The following SKOR2 variants were observed in gnomAD, a reference collection of about 807,000 sequenced individuals.
The protein encoded by SKOR2 is LBX1 corepressor 1-like protein.
SKOR2 carries 47 observed loss-of-function variants against 69.1 expected under a neutral mutation model. The observed-to-expected ratio is 0.68, with a 90% CI of 0.54 to 0.87. SKOR2 has a LOEUF of 0.87. Ranked by LOEUF, SKOR2 falls within the 40% of genes least tolerant of loss-of-function variation. The pLI is 0.00. For synonymous variants in SKOR2, 717 were observed against 672.6 expected (o/e 1.07, Z -1.02); for missense variants, 1,404 against 1,472.2 (o/e 0.95, Z 0.76).
At position 47,246,625 on chromosome 18, in the gene SKOR2, G is replaced by T. The variant is rs2064274693; in HGVS notation, c.2559C>A (p.Ser853Arg). Reference protein sequence around the residue: ...PQKASGGGSSSPGSPVHHPSL... With the variant: ...PQKASGGGSSRPGSPVHHPSL... ...ATGGATGGTGAACTGGGCTGCCCGG[G>T]CTGCTGCTGCCGCCGCCACTCGCCT... The change falls in exon 2 of 9, where the codon AGC (serine) becomes AGA (arginine). Residue 853 changes from serine (S) to arginine (R), a missense_variant. Transcript: ENST00000425639. 1 of 1,521,946 alleles carries T rather than the reference G, an allele frequency of 6.6e-7. No homozygotes were observed. Among genetic ancestry groups the T allele is most frequent in the Non-Finnish European group, 8.8e-7 (1 of 1,141,388 alleles). The allele number at this position is 1,521,946 out of a possible 1,614,324, so 94.3% of individuals were successfully genotyped here. A position where few individuals can be genotyped will look rare whatever the true frequency, so the allele number is the denominator to read the frequency against.
chr18:47,244,375 T>C (rs10502880), intron 4 of SKOR2, among the ~76,000 whole-genome samples: 56,531 of 152,112 alleles, frequency 0.37, 11,124 homozygotes, highest in Middle Eastern at 0.47. Context: ...CTTAAGACAC[T>C]GCAATAGACA....
At chr18:47,237,915 G>GTTTC (rs2064231759) in intron 4 of SKOR2, among the ~76,000 whole-genome samples, 1 of 152,016 alleles carries the variant, frequency 6.6e-6, no homozygotes, top group Non-Finnish European at 1.5e-5. Context: ...TGGGCTCAGG[G>GTTTC]AATCCTCCTG....
chr18:47,229,354 T>C (rs1163764618), intron 6 of SKOR2, among the ~76,000 whole-genome samples: 1 of 152,032 alleles, frequency 6.6e-6, no homozygotes, highest in African/African-American at 2.4e-5. Context: ...TATATATAAT[T>C]AGAAAAATAA....
chr18:47,238,240 G>A (rs374675626), intron 4 of SKOR2, among the ~76,000 whole-genome samples: 42 of 151,374 alleles, frequency 2.8e-4, no homozygotes, highest in African/African-American at 9.4e-4. Context: ...GAGGAAGTCT[G>A]CAGAAAAAAA....
intron 4 of SKOR2, among the ~76,000 whole-genome samples, chr18:47,237,520 T>A (rs893869425): frequency 6.6e-6 from 1 of 152,226 alleles, no homozygotes; most frequent in East Asian, 1.9e-4. Flanking sequence ...AGCTGAACTC[T>A]GAATTCAATA....
At chr18:47,217,936 C>T (rs2144483383) in intron 7 of SKOR2, among the ~76,000 whole-genome samples, 1 of 152,246 alleles carries the variant, frequency 6.6e-6, no homozygotes, top group East Asian at 1.9e-4. Flanking sequence ...GAATTAACAA[C>T]ATTTGTCTAG....
At chr18:47,231,259 C>G in intron 4 of SKOR2, 1 of 1,218,064 alleles carries the variant, frequency 8.2e-7, no homozygotes. Context: ...GTTATTCCCT[C>G]TCCAACCCCC....
intron 6 of SKOR2, among the ~76,000 whole-genome samples, chr18:47,228,353 T>C (rs2064186012): frequency 6.6e-6 from 1 of 152,192 alleles, no homozygotes; most frequent in Non-Finnish European, 1.5e-5. Flanking sequence ...AGAGGATACA[T>C]ATTAGTGCAC....
chr18:47,218,520 T>C (rs1402252088), intron 7 of SKOR2, among the ~76,000 whole-genome samples: 1 of 144,070 alleles, frequency 6.9e-6, no homozygotes, highest in Non-Finnish European at 1.5e-5. Flanking sequence ...AGCCCAGGAG[T>C]TGGAGGCTGC....
intron 4 of SKOR2, among the ~76,000 whole-genome samples, chr18:47,244,207 G>C (rs900746561): frequency 7.9e-5 from 12 of 151,974 alleles, no homozygotes; most frequent in Non-Finnish European, 1.8e-4. Context: ...TTCCTAGCTT[G>C]CTCTCTCTGT....
chr18:47,247,808 C>T lies in SKOR2; in HGVS notation c.1376G>A (p.Arg459His). 1 of 1,395,950 alleles carries T rather than the reference C, an allele frequency of 7.2e-7. No individual in the cohort carries two copies. Among genetic ancestry groups the T allele is most frequent in the Non-Finnish European group, 9.2e-7 (1 of 1,082,560 alleles). The allele number at this position is 1,395,950 out of a possible 1,614,324, so 86.5% of individuals were successfully genotyped here. ...GAAGGGCGGATAGAAGGCGTCCTTG[C>T]GGCCCGCGGGCCAGAAGAGGCCGGA... is the stretch of plus-strand genomic sequence containing the variant. ...GLSGLFWPAGRKDAFYPPFCM... is the reference protein window; with the variant it reads ...GLSGLFWPAGHKDAFYPPFCM... The change falls in exon 2 of 9, where the codon CGC becomes CAC. Residue 459 changes from arginine to histidine, a missense_variant. This residue lies in a region of SKOR2 where 1,266 missense variants were observed against 1,309.9 expected (regional missense o/e 0.97). Coordinates refer to ENST00000425639, the MANE Select transcript of SKOR2 (RefSeq NM_001278063.4). This position sits in a 1 kb window ranked among gnomAD's most constrained non-coding sequence, Gnocchi z 6.6.
At position 47,246,660 on chromosome 18, in the gene SKOR2, C is replaced by A; in HGVS notation, c.2524G>T (p.Ala842Ser). Residue 842 changes from alanine to serine, a missense_variant, in exon 2 of 9, where the codon GCC becomes TCC. Around this residue, in one of 3 missense-constraint regions of SKOR2, gnomAD observed 1,266 missense variants for 1,309.9 expected, o/e 0.97. Coordinates refer to ENST00000425639, the MANE Select transcript of SKOR2 (RefSeq NM_001278063.4). ...CCGCCGCCACTCGCCTTCTGGGGGGCCAGGGGCGGCGGCGGGGGCGGGGGC... is the reference window on the plus strand; with the variant it reads ...CCGCCGCCACTCGCCTTCTGGGGGGACAGGGGCGGCGGCGGGGGCGGGGGC... The part of the protein sequence containing the change: ...DLPPPPPPPL[A>S]PQKASGGGSS... 1 of 1,497,870 alleles carries A rather than the reference C, an allele frequency of 6.7e-7. No individual in the cohort carries two copies. The highest frequency in any genetic ancestry group is 1.3e-5 in the South Asian group (1 of 79,022). The allele number at this position is 1,497,870 out of a possible 1,614,324, so 92.8% of individuals were successfully genotyped here.
chr18:47,234,427 T>C (rs530809485), intron 4 of SKOR2: 4 of 152,352 alleles, frequency 2.6e-5, no homozygotes, highest in African/African-American at 9.6e-5. Context: ...TATATTTCCC[T>C]CACCCCTTTT....
At position 47,246,766 on chromosome 18, in the gene SKOR2, G is replaced by A. The variant is rs1159434545; in HGVS notation, c.2418C>T (p.Val806=). The change falls in exon 2 of 9, where the codon GTC becomes GTT. Residue 806 remains valine, a synonymous_variant. Transcript: ENST00000425639. ...TCAGGCCGAGCGGGAACGCGCCCGC[G>A]ACGGCCGGCGCGCGGTCCCGGCTGC... The part of the protein sequence containing the change: ...KGSSRDRAPA[V]AGAFPLGLNS... 3 of 1,403,836 alleles carry A rather than the reference G, an allele frequency of 2.1e-6. No homozygotes were observed. The highest frequency in any genetic ancestry group is 1.6e-5 in the South Asian group (1 of 64,324). 87.0% of individuals were successfully genotyped at this position (1,403,836 alleles called of 1,614,324 possible).
chr18:47,235,434 AT>A (rs2144501340), intron 4 of SKOR2, among the ~76,000 whole-genome samples: 1 of 152,312 alleles, frequency 6.6e-6, no homozygotes, highest in Non-Finnish European at 1.5e-5. Flanking sequence ...CCAAGTGCAC[AT>A]TTGCAGGACA....
chr18:47,243,521 T>C (rs564586993), intron 4 of SKOR2, among the ~76,000 whole-genome samples: 1 of 152,330 alleles, frequency 6.6e-6, no homozygotes, highest in South Asian at 2.1e-4. Context: ...AAACCCTTTT[T>C]TGTGTGAGTG....
intron 5 of SKOR2, 33 bp downstream of exon 5, chr18:47,230,902 G>T: frequency 2.4e-4 from 332 of 1,365,150 alleles, no homozygotes; most frequent in Non-Finnish European, 3.0e-4. Context: ...TTAAAGCTAA[G>T]AGAAGTTCTA....
At position 47,248,139 on chromosome 18, in the gene SKOR2, C is replaced by G; in HGVS notation, c.1045G>C (p.Gly349Arg). Residue 349 changes from glycine (G) to arginine (R), a missense_variant, in exon 2 of 9, where the codon GGG becomes CGG. Gly to Arg is a moderately radical substitution (Grantham distance 125). Transcript: ENST00000425639. The surrounding 1 kb of genome is among the most constrained non-coding windows in gnomAD (Gnocchi z 6.4). ...ACACAGCCACCCCCAGCGCCGCCCC[C>G]ACCAGTCCCCGCGCCGCCCGAAGCA... ...AAASGGAGTG[G>R]GGAGGGCVAG... The G allele has an allele frequency of 3.1e-6, 4 of 1,273,670 alleles. No individual in the cohort carries two copies. The highest frequency in any genetic ancestry group is 2.9e-6 in the Non-Finnish European group (3 of 1,018,168). 78.9% of individuals were successfully genotyped at this position (1,273,670 alleles called of 1,614,324 possible).
chr18:47,223,566 G>T (rs1250249079), intron 6 of SKOR2, among the ~76,000 whole-genome samples: 2 of 152,112 alleles, frequency 1.3e-5, no homozygotes, highest in Non-Finnish European at 2.9e-5. Flanking sequence ...TCTAAAACTT[G>T]GACAAACCTT....
Sources: gnomAD v4.1 joint callset for allele counts (sites outside exome capture counted in the v4.1 genomes callset) on GRCh38, gnomAD v4.1.1 for gene constraint, gnomAD v4.1.1 regional missense constraint, Gnocchi (gnomAD v3.1) non-coding constraint, MANE v1.5 for transcripts, NCBI Gene and HGNC (gene_info 2026-07-23, HGNC 2026-07-21) for gene names.